Variants in PHACTR4 observed in about 807,000 individuals in gnomAD.
PHACTR4 encodes protein phosphatase 1, regulatory subunit 124.
In PHACTR4, 51 loss-of-function variants were observed where a neutral mutation model predicts 72.7. The observed-to-expected ratio is 0.70, with a 90% CI of 0.56 to 0.89. PHACTR4 has a LOEUF of 0.89. PHACTR4 is among the 40% of genes least tolerant of loss of function. The pLI, the probability that PHACTR4 is intolerant of heterozygous loss-of-function variation, is 0.00. For synonymous variants in PHACTR4, 255 were observed against 302.5 expected (o/e 0.84, Z 1.63); for missense variants, 731 against 861.8 (o/e 0.85, Z 1.90).
chr1:28,397,915 A>G (rs1384628702), intron 1 of PHACTR4, among the ~76,000 whole-genome samples: 1 of 151,710 alleles, frequency 6.6e-6, no homozygotes, highest in East Asian at 1.9e-4. Context: ...GGTTTTCACC[A>G]TTTGGGCCAG....
At chr1:28,432,371 CTTT>C (rs112055906) in intron 2 of PHACTR4, among the ~76,000 whole-genome samples, 2 of 135,586 alleles carry the variant, frequency 1.5e-5, no homozygotes, top group Admixed American at 7.4e-5. Flanking sequence ...CTCTCTCTCT[CTTT>C]TTTTTTTTTT....
chr1:28,496,659 T>A lies in PHACTR4; in HGVS notation c.*110T>A. 7.9e-7 allele frequency: 1 copy of A among 1,270,126 alleles called. No homozygotes were observed. The highest frequency in any genetic ancestry group is 1.1e-6 in the Non-Finnish European group (1 of 876,778). The allele number at this position is 1,270,126 out of a possible 1,614,324, so 78.7% of individuals were successfully genotyped here. A position where few individuals can be genotyped will look rare whatever the true frequency, so the allele number is the denominator to read the frequency against. ...CCAGCACAGCCAGAATTGCATCCTCTGGGATCTTCTGAGGTGGACAGCACT... is the reference window on the plus strand; with the variant it reads ...CCAGCACAGCCAGAATTGCATCCTCAGGGATCTTCTGAGGTGGACAGCACT... On this transcript the variant is annotated 3_prime_UTR_variant, in exon 14 of 14. Coordinates refer to ENST00000373839, the MANE Select transcript of PHACTR4 (RefSeq NM_001048183.3).
At chr1:28,408,293 C>T (rs968983927) in intron 2 of PHACTR4, among the ~76,000 whole-genome samples, 3 of 151,532 alleles carry the variant, frequency 2.0e-5, no homozygotes, top group African/African-American at 7.2e-5. Context: ...GGCGCAGTGG[C>T]TCATGCCTGT....
intron 7 of PHACTR4, 101 bp downstream of exon 7, chr1:28,474,252 GC>G: frequency 9.0e-7 from 1 of 1,108,222 alleles, no homozygotes; most frequent in Non-Finnish European, 1.3e-6. Flanking sequence ...GGGCCTAGTG[GC>G]CCACACCTGT....
chr1:28,381,500 A>T (rs1419955387), intron 1 of PHACTR4, among the ~76,000 whole-genome samples: 1 of 140,038 alleles, frequency 7.1e-6, no homozygotes, highest in Non-Finnish European at 1.5e-5. Flanking sequence ...CAGTTAAACC[A>T]TGTTAGCCAG....
chr1:28,475,216 G>T (rs980802757), intron 7 of PHACTR4, among the ~76,000 whole-genome samples: 1 of 151,970 alleles, frequency 6.6e-6, no homozygotes, highest in Non-Finnish European at 1.5e-5. Context: ...CTCCCAGAAT[G>T]CTGGGATCAT....
At chr1:28,400,253 A>G (rs1263261284) in intron 1 of PHACTR4, among the ~76,000 whole-genome samples, 2 of 151,910 alleles carry the variant, frequency 1.3e-5, no homozygotes, top group African/African-American at 4.8e-5. Context: ...CACGCCTGTA[A>G]TCCCAGCTAC....
chr1:28,389,479 T>A (rs929967529), intron 1 of PHACTR4, among the ~76,000 whole-genome samples: 28 of 59,728 alleles, frequency 4.7e-4, no homozygotes, highest in African/African-American at 3.5e-3. Flanking sequence ...GTATACTACT[T>A]TTTTTTTTTT....
rs1190515768 is a variant in PHACTR4, at chr1:28,499,092, G to A, written c.*2543G>A. 1 of 150,336 alleles carries A rather than the reference G, an allele frequency of 6.7e-6. No individual in the cohort carries two copies. The highest frequency in any genetic ancestry group is 2.5e-5 in the African/African-American group (1 of 40,754). The allele number at this position is 150,336 out of a possible 1,614,324, so 9.3% of individuals were successfully genotyped here. On this transcript the variant is annotated 3_prime_UTR_variant, in exon 14 of 14. Coordinates refer to ENST00000373839, the MANE Select transcript of PHACTR4 (RefSeq NM_001048183.3). ...AAAAAAAAAAAAAAAAAGAAGGAAG[G>A]AAGGAAAGCAAGCCCTGAATCCACA...
At chr1:28,381,855 C>G (rs1256194192) in intron 1 of PHACTR4, among the ~76,000 whole-genome samples, 1 of 152,130 alleles carries the variant, frequency 6.6e-6, no homozygotes, top group East Asian at 1.9e-4. Flanking sequence ...TCGCTGAAAC[C>G]TCTGCTTCCC....
chr1:28,416,857 T>C (rs2124322718), intron 2 of PHACTR4, among the ~76,000 whole-genome samples: 1 of 152,330 alleles, frequency 6.6e-6, no homozygotes, highest in Middle Eastern at 3.4e-3. Flanking sequence ...TAGTTCATAA[T>C]TTTTGTGTTT....
At chr1:28,450,607 TG>T (rs1281341597) in intron 2 of PHACTR4, among the ~76,000 whole-genome samples, 14 of 152,078 alleles carry the variant, frequency 9.2e-5, no homozygotes, top group Admixed American at 7.2e-4. Flanking sequence ...TTTTTGTTTT[TG>T]TTTTTTTTGG....
chr1:28,437,832 A>G (rs1156618912), intron 2 of PHACTR4, among the ~76,000 whole-genome samples: 1 of 152,242 alleles, frequency 6.6e-6, no homozygotes, highest in Non-Finnish European at 1.5e-5. Context: ...TCAGTCCATA[A>G]CACAGTGAAA....
intron 2 of PHACTR4, among the ~76,000 whole-genome samples, chr1:28,415,972 T>A (rs188401859): frequency 1.3e-5 from 2 of 152,336 alleles, no homozygotes; most frequent in Non-Finnish European, 2.9e-5. Context: ...TTTTTCTAGC[T>A]GTTTAAGAAC....
chr1:28,459,253 CAGA>C lies in PHACTR4; in HGVS notation c.188_190del (p.Glu63del). 2 of 1,612,248 alleles carry C rather than the reference CAGA, an allele frequency of 1.2e-6. No homozygotes were observed. Among genetic ancestry groups the C allele is most frequent in the Non-Finnish European group, 1.7e-6 (2 of 1,178,732 alleles). Reference sequence around the variant, plus strand: ...AGTAGTGATAAATTTAAAGAGACTTCAGAAGGTGAGATATTAAGGGTTAAATGT... The same window carrying C: ...AGTAGTGATAAATTTAAAGAGACTTCAGGTGAGATATTAAGGGTTAAATGT... On this transcript the variant is annotated inframe_deletion and splice_region_variant, in exon 3 of 14. Coordinates refer to ENST00000373839, the MANE Select transcript of PHACTR4 (RefSeq NM_001048183.3).
chr1:28,447,601 G>GA (rs1657578442), intron 2 of PHACTR4, among the ~76,000 whole-genome samples: 1 of 151,436 alleles, frequency 6.6e-6, no homozygotes, highest in Non-Finnish European at 1.5e-5. Context: ...AAAGTTTGAA[G>GA]TTTTTTTTCC....
At chr1:28,380,672 T>A (rs2124139961) in intron 1 of PHACTR4, among the ~76,000 whole-genome samples, 1 of 152,264 alleles carries the variant, frequency 6.6e-6, no homozygotes, top group East Asian at 1.9e-4. Flanking sequence ...AAGGACATGA[T>A]CTTGTTGTTT....
At chr1:28,473,530 G>T (rs771183612) in intron 6 of PHACTR4, 24 bp from the exon 7 acceptor site, 3 of 1,530,776 alleles carry the variant, frequency 2.0e-6, no homozygotes, top group Admixed American at 1.8e-5. Context: ...TCGTGAAATT[G>T]ATGTGTTGCT....
intron 1 of PHACTR4, among the ~76,000 whole-genome samples, chr1:28,370,959 G>A (rs1031627237): frequency 6.6e-6 from 1 of 152,110 alleles, no homozygotes; most frequent in East Asian, 1.9e-4. Context: ...TAGAAATGAA[G>A]CCAGTTTAGG....
Sources: gnomAD v4.1 joint callset for allele counts (sites outside exome capture counted in the v4.1 genomes callset) on GRCh38, gnomAD v4.1.1 for gene constraint, MANE v1.5 for transcripts, NCBI Gene and HGNC (gene_info 2026-07-23, HGNC 2026-07-21) for gene names.